Variants in MAN2A1 observed in about 807,000 individuals in gnomAD.
The protein encoded by MAN2A1 is mannosidase alpha class 2A member 1.
Under a neutral mutation model 142.6 loss-of-function variants are expected in MAN2A1, and 76 were observed. That is an observed-to-expected ratio of 0.53 (90% CI 0.44 to 0.65). The LOEUF (loss-of-function observed/expected upper bound fraction) is 0.65. Among genes scored for constraint, MAN2A1 ranks in the 30% least tolerant of loss-of-function variants. The pLI is 0.00. For synonymous variants in MAN2A1, 559 were observed against 473.2 expected, an observed-to-expected ratio of 1.18 and a Z score of -2.35; for missense variants, 1,311 against 1,365.1, an observed-to-expected ratio of 0.96 and a Z score of 0.62.
rs11951291 is a variant in MAN2A1 at position 109,768,013 on chromosome 5, C to G, written c.1009+305C>G. The stretch of plus-strand genomic sequence containing the variant: ...CTGTTTTAGAAAGCACGTTTTATCA[C>G]AAATTTGAACATGCATTAGAACTGA... On this transcript the variant is annotated intron_variant, in intron 6 of 21. Transcript: ENST00000261483. 3.6e-3 allele frequency among the ~76,000 whole-genome samples: 549 copies of G among 152,292 alleles called. 5 individuals carry two copies. Among genetic ancestry groups the G allele is most frequent in the African/African-American group, 0.013 (531 of 41,574 alleles).
chr5:109,862,406 T>C (rs1204304690), intron 20 of MAN2A1: 1 of 152,230 alleles, frequency 6.6e-6, no homozygotes, highest in Admixed American at 6.5e-5. Flanking sequence ...TGTGCAACTT[T>C]AGAATACGCC....
At chr5:109,734,988 A>T (rs903798872) in intron 4 of MAN2A1, among the ~76,000 whole-genome samples, 2 of 152,070 alleles carry the variant, frequency 1.3e-5, no homozygotes, top group South Asian at 4.1e-4. Context: ...GTCTCCCATT[A>T]TTATTGTGTG....
intron 5 of MAN2A1, among the ~76,000 whole-genome samples, chr5:109,757,641 A>G (rs1467878069): frequency 1.3e-5 from 2 of 152,146 alleles, no homozygotes; most frequent in Admixed American, 6.5e-5. Context: ...CTATTTTTAG[A>G]ACTTTTTTCA....
chr5:109,765,630 G>C (rs1268215069), intron 5 of MAN2A1, among the ~76,000 whole-genome samples: 1 of 152,122 alleles, frequency 6.6e-6, no homozygotes, highest in Admixed American at 6.5e-5. Context: ...TTATGTTTTA[G>C]TGTCCATTGA....
At chr5:109,801,240 T>G (rs1754022829) in intron 12 of MAN2A1, among the ~76,000 whole-genome samples, 1 of 152,202 alleles carries the variant, frequency 6.6e-6, no homozygotes, top group South Asian at 2.1e-4. Context: ...AGCCTGTGGC[T>G]CTTGTTCTTG....
intron 8 of MAN2A1, among the ~76,000 whole-genome samples, chr5:109,780,544 G>C (rs398050288): frequency 7.0e-5 from 10 of 142,406 alleles, no homozygotes; most frequent in Non-Finnish European, 1.4e-4. Context: ...GTGTGTGTGT[G>C]TGTGTATGTG....
intron 17 of MAN2A1, among the ~76,000 whole-genome samples, chr5:109,844,506 G>A (rs919610668): frequency 3.3e-5 from 5 of 151,492 alleles, no homozygotes; most frequent in African/African-American, 1.2e-4. Flanking sequence ...ACATTTTACA[G>A]TTGTAGCTTT....
At chr5:109,857,251 C>T (rs527961929) in intron 20 of MAN2A1, among the ~76,000 whole-genome samples, 1 of 152,314 alleles carries the variant, frequency 6.6e-6, no homozygotes, top group African/African-American at 2.4e-5. Flanking sequence ...AGAGTGTCTG[C>T]ACATAGGATC....
chr5:109,744,133 C>T (rs1752339747), intron 4 of MAN2A1, among the ~76,000 whole-genome samples: 1 of 152,110 alleles, frequency 6.6e-6, no homozygotes, highest in African/African-American at 2.4e-5. Context: ...TTTACTTCTA[C>T]CATTCATTCA....
At chr5:109,807,134 A>G (rs929246343) in intron 12 of MAN2A1, among the ~76,000 whole-genome samples, 14 of 152,286 alleles carry the variant, frequency 9.2e-5, no homozygotes, top group Admixed American at 2.0e-4. Flanking sequence ...TTGTGAATAC[A>G]GGAGAGAGGG....
At chr5:109,699,004 A>G (rs1298256471) in intron 1 of MAN2A1, among the ~76,000 whole-genome samples, 2 of 152,056 alleles carry the variant, frequency 1.3e-5, no homozygotes, top group Non-Finnish European at 2.9e-5. Context: ...GTTTCCCTTT[A>G]TAAGAGATGA....
At chr5:109,741,101 C>G (rs910319622) in intron 4 of MAN2A1, among the ~76,000 whole-genome samples, 1 of 152,116 alleles carries the variant, frequency 6.6e-6, no homozygotes, top group Admixed American at 6.5e-5. Flanking sequence ...TTGTCTCACT[C>G]AGATTCCTTC....
rs547080813 is a variant in MAN2A1, at chr5:109,860,642, G to A, written c.3172-4394G>A. On this transcript the variant is annotated intron_variant, in intron 20 of 21. Coordinates refer to ENST00000261483, the MANE Select transcript of MAN2A1 (RefSeq NM_002372.4). Reference sequence around the variant, plus strand: ...AAAAGTTTACTGTTTCTTTTGGTGCGAGAGAGGAATGACATAACTCACATC... The same window carrying A: ...AAAAGTTTACTGTTTCTTTTGGTGCAAGAGAGGAATGACATAACTCACATC... 7.2e-5 allele frequency among the ~76,000 whole-genome samples: 11 copies of A among 152,290 alleles called. No individual in the cohort carries two copies. In the South Asian group the frequency reaches 1.5e-3, roughly 20 times the overall value.
intron 5 of MAN2A1, among the ~76,000 whole-genome samples, chr5:109,766,977 A>G (rs913958279): frequency 1.3e-5 from 2 of 152,182 alleles, no homozygotes; most frequent in African/African-American, 4.8e-5. Context: ...CAGCATCATA[A>G]TGACTTAAGA....
chr5:109,773,319 C>G lies in MAN2A1; in HGVS notation c.1197-1469C>G, dbSNP rs369065532. Among the ~76,000 whole-genome samples, 281 of 152,208 alleles carry G rather than the reference C, an allele frequency of 1.8e-3. 3 individuals are homozygous for G. In the South Asian group the frequency reaches 0.024, roughly 13 times the overall value. ...GCCATTAACGTTTGTGATTTCTTTT[C>G]TTTATATGTGCTTTACACATATGTA... On this transcript the variant is annotated intron_variant, in intron 7 of 21. Transcript: ENST00000261483.
At chr5:109,836,983 A>C (rs1193976751) in intron 16 of MAN2A1, among the ~76,000 whole-genome samples, 2 of 151,738 alleles carry the variant, frequency 1.3e-5, no homozygotes, top group Non-Finnish European at 2.9e-5. Context: ...CTGCCAAGAG[A>C]GACAGTTACC....
intron 16 of MAN2A1, among the ~76,000 whole-genome samples, chr5:109,834,380 C>A (rs954785722): frequency 6.6e-6 from 1 of 151,930 alleles, no homozygotes; most frequent in Non-Finnish European, 1.5e-5. Flanking sequence ...GTATTATGAT[C>A]CCTCCAAAAC....
At chr5:109,840,174 TA>T (rs1755164324) in intron 16 of MAN2A1, 1 of 201,276 alleles carries the variant, frequency 5.0e-6, no homozygotes, top group South Asian at 9.6e-5. Flanking sequence ...TCTCGTCTCA[TA>T]AATCTTGTGG....
chr5:109,745,965 C>A (rs543578094), intron 4 of MAN2A1, among the ~76,000 whole-genome samples: 1 of 152,010 alleles, frequency 6.6e-6, no homozygotes, highest in Non-Finnish European at 1.5e-5. Flanking sequence ...AGCTACAGTT[C>A]TGTTACTTTT....
Sources: allele counts gnomAD v4.1 joint callset (sites outside exome capture counted in the v4.1 genomes callset), GRCh38; gene constraint gnomAD v4.1.1; transcripts MANE v1.5; gene names NCBI Gene and HGNC (gene_info 2026-07-23, HGNC 2026-07-21).